PJA2: variants seen among roughly 807,000 people sequenced by gnomAD.
The protein encoded by PJA2 is praja ring finger ubiquitin ligase 2.
PJA2 carries 25 observed loss-of-function variants against 69.3 expected under a neutral mutation model. The observed-to-expected ratio is 0.36, with a 90% CI of 0.26 to 0.50. The LOEUF (loss-of-function observed/expected upper bound fraction) is 0.50. Ranked by LOEUF, PJA2 falls within the 20% of genes least tolerant of loss-of-function variation. The pLI is 0.96. For missense variants in PJA2, 809 were observed against 830.2 expected (o/e 0.97, Z 0.31); for synonymous variants, 308 against 277.8 (o/e 1.11, Z -1.08).
intron 9 of PJA2, among the ~76,000 whole-genome samples, chr5:109,342,681 G>A (rs1161122938): frequency 4.5e-5 from 5 of 111,474 alleles, no homozygotes; most frequent in East Asian, 2.6e-4. Context: ...CTGGCCAGCC[G>A]CCCCGTCCGG....
At chr5:109,402,759 T>G (rs1747582228) in intron 1 of PJA2, among the ~76,000 whole-genome samples, 1 of 152,036 alleles carries the variant, frequency 6.6e-6, no homozygotes, top group Non-Finnish European at 1.5e-5. Flanking sequence ...ATTCTGGTCA[T>G]AAAACAAATA....
intron 4 of PJA2, among the ~76,000 whole-genome samples, chr5:109,375,205 A>G (rs2127004622): frequency 6.6e-6 from 1 of 152,302 alleles, no homozygotes; most frequent in South Asian, 2.1e-4. Context: ...AAAGTAGCCA[A>G]AATTCCTATA....
chr5:109,406,261 G>A (rs1193665739), intron 1 of PJA2, among the ~76,000 whole-genome samples: 1 of 152,022 alleles, frequency 6.6e-6, no homozygotes, highest in African/African-American at 2.4e-5. Context: ...AGGATGGTCT[G>A]GATCTCCTGA....
chr5:109,403,091 T>C (rs1747598219), intron 1 of PJA2, among the ~76,000 whole-genome samples: 1 of 151,444 alleles, frequency 6.6e-6, no homozygotes, highest in South Asian at 2.1e-4. Flanking sequence ...AAGTTGACTC[T>C]GAAAAGATTA....
At chr5:109,398,801 G>A (rs1284083925) in intron 1 of PJA2, among the ~76,000 whole-genome samples, 1 of 151,786 alleles carries the variant, frequency 6.6e-6, no homozygotes, top group Non-Finnish European at 1.5e-5. Context: ...AAAAGAAAAA[G>A]ACCTTTACTC....
chr5:109,403,303 A>G (rs560584992), intron 1 of PJA2, among the ~76,000 whole-genome samples: 4 of 152,232 alleles, frequency 2.6e-5, no homozygotes, highest in Admixed American at 6.5e-5. Flanking sequence ...GATTCATACA[A>G]AGACCGAAAG....
At chr5:109,405,413 A>G (rs1747661809) in intron 1 of PJA2, among the ~76,000 whole-genome samples, 1 of 152,216 alleles carries the variant, frequency 6.6e-6, no homozygotes, top group Non-Finnish European at 1.5e-5. Context: ...GTAGAAACCA[A>G]CACGCAGCCT....
chr5:109,381,760 C>A (rs1043281191), intron 2 of PJA2, 57 bp from the exon 3 acceptor site: 8 of 1,469,422 alleles, frequency 5.4e-6, no homozygotes, highest in Non-Finnish European at 6.6e-6. Context: ...ATTCTTGCAA[C>A]CTGTTGGGGA....
chr5:109,392,874 T>C (rs1244685628), intron 1 of PJA2, among the ~76,000 whole-genome samples: 5 of 152,136 alleles, frequency 3.3e-5, no homozygotes, highest in African/African-American at 7.2e-5. Context: ...GCAATGTAGA[T>C]CTAAATGTAC....
chr5:109,357,168 G>A (rs1310388150), intron 6 of PJA2, among the ~76,000 whole-genome samples: 2 of 152,124 alleles, frequency 1.3e-5, no homozygotes, highest in Admixed American at 1.3e-4. Flanking sequence ...GGCACCCTGA[G>A]TAGATGTACT....
In PJA2 at chr5:109,387,867, A is replaced by C. The variant is rs530750244; in HGVS notation, c.-87-4347T>G. 8.5e-5 allele frequency among the ~76,000 whole-genome samples: 13 copies of C among 152,286 alleles called. No individual in the cohort carries two copies. The East Asian group carries it at 1.5e-3, about 18-fold the overall frequency. On this transcript the variant is annotated intron_variant, in intron 1 of 9. Coordinates refer to ENST00000361189, the MANE Select transcript of PJA2 (RefSeq NM_014819.5). ...TATTTACATACACTTTGTCTAGTAC[A>C]TTGTCTGACAGTATATTTAAACAGT...
intron 1 of PJA2, among the ~76,000 whole-genome samples, chr5:109,401,543 A>G (rs984284787): frequency 1.3e-5 from 2 of 152,268 alleles, no homozygotes; most frequent in African/African-American, 4.8e-5. Flanking sequence ...GAACTAAATA[A>G]GAATCACAGC....
In PJA2 at chr5:109,378,380, T is replaced by G. The variant is rs1373586363; in HGVS notation, c.1107A>C (p.Gly369=). 6.2e-7 allele frequency: 1 copy of G among 1,614,058 alleles called. No individual in the cohort carries two copies. The highest frequency in any genetic ancestry group is 1.3e-5 in the African/African-American group (1 of 74,930). Residue 369 remains glycine (G), a synonymous_variant, in exon 4 of 10, where the codon GGA becomes GGC. Transcript: ENST00000361189. ...DLLIKCEEYD[G]EHDCMFLDPP... is the part of the protein sequence containing the mutation. Reference sequence around the variant, plus strand: ...GATCCAAGAACATACAGTCATGCTCTCCATCATATTCTTCACATTTTATTA... The same window carrying G: ...GATCCAAGAACATACAGTCATGCTCGCCATCATATTCTTCACATTTTATTA...
chr5:109,354,302 A>C (rs1392634954), intron 7 of PJA2, among the ~76,000 whole-genome samples: 1 of 146,946 alleles, frequency 6.8e-6, no homozygotes, highest in African/African-American at 2.5e-5. Context: ...TGATATCTAG[A>C]GATATCTATA....
chr5:109,369,309 T>G (rs1233178573), intron 4 of PJA2, among the ~76,000 whole-genome samples: 4 of 152,194 alleles, frequency 2.6e-5, no homozygotes, highest in African/African-American at 9.7e-5. Flanking sequence ...TTCAGACTAT[T>G]AAACAAATAA....
intron 4 of PJA2, among the ~76,000 whole-genome samples, chr5:109,370,914 T>C (rs889009585): frequency 6.6e-6 from 1 of 152,158 alleles, no homozygotes; most frequent in Admixed American, 6.5e-5. Flanking sequence ...TCCTCACTTT[T>C]CCATATTAAT....
chr5:109,386,102 G>A (rs1270351656), intron 1 of PJA2, among the ~76,000 whole-genome samples: 3 of 150,946 alleles, frequency 2.0e-5, no homozygotes, highest in African/African-American at 7.3e-5. Flanking sequence ...ATCACCTGAG[G>A]TCAGTGAGAC....
At chr5:109,401,682 G>C (rs991973588) in intron 1 of PJA2, among the ~76,000 whole-genome samples, 11 of 152,180 alleles carry the variant, frequency 7.2e-5, no homozygotes, top group Non-Finnish European at 1.5e-4. Flanking sequence ...CAAAGTATTT[G>C]TGAAACAATC....
At chr5:109,351,527 C>A (rs1762251947) in intron 7 of PJA2, among the ~76,000 whole-genome samples, 2 of 151,984 alleles carry the variant, frequency 1.3e-5, no homozygotes, top group Admixed American at 6.6e-5. Context: ...ACTAATACTA[C>A]CTAGATTTAT....
Sources: gnomAD v4.1 joint callset for allele counts (sites outside exome capture counted in the v4.1 genomes callset) on GRCh38, gnomAD v4.1.1 for gene constraint, MANE v1.5 for transcripts, NCBI Gene and HGNC (gene_info 2026-07-23, HGNC 2026-07-21) for gene names.